The following NFKBIB variants were observed in gnomAD, a reference collection of about 807,000 sequenced individuals.
The protein encoded by NFKBIB is NFKB inhibitor beta.
NFKBIB carries 16 observed loss-of-function variants against 32.1 expected under a neutral mutation model. The observed-to-expected ratio is 0.50, with a 90% CI of 0.34 to 0.76. The LOEUF is 0.76. Ranked by LOEUF, NFKBIB falls within the 30% of genes least tolerant of loss-of-function variation. The pLI is 0.01. For synonymous variants in NFKBIB, 222 were observed against 219.5 expected (o/e 1.01, Z -0.10); for missense variants, 437 against 514.9 (o/e 0.85, Z 1.46).
rs967463729 is a variant in NFKBIB at position 38,905,812 on chromosome 19, C to G, written c.619+277C>G. On this transcript the variant is annotated intron_variant, in intron 3 of 5. Coordinates refer to ENST00000313582, the MANE Select transcript of NFKBIB (RefSeq NM_002503.5). The surrounding 1 kb of genome is among the most constrained non-coding windows in gnomAD (Gnocchi z 5.5). ...TGCCAGGATCCAGTTGTCGGGCCCC[C>G]GGGCTCCCCACCTGCAGAGTGTATT... 6.6e-6 allele frequency among the ~76,000 whole-genome samples: 1 copy of G among 152,150 alleles called. No homozygotes were observed. Among genetic ancestry groups the G allele is most frequent in the Non-Finnish European group, 1.5e-5 (1 of 68,026 alleles).
Position 38,905,059 on chromosome 19 carries a change from A to G in NFKBIB, c.224A>G (p.Asp75Gly). 2 of 1,613,984 alleles carry G rather than the reference A, an allele frequency of 1.2e-6. No individual in the cohort carries two copies. Among genetic ancestry groups the G allele is most frequent in the South Asian group, 1.1e-5 (1 of 91,084 alleles). The part of the protein sequence containing the change: ...AVIHQHEPFL[D>G]FLLGFSAGTE... ...ATTCATCAGCATGAACCCTTCCTGG[A>G]TTTTCTTCTAGGCTTCTCGGCCGGC... is the stretch of plus-strand genomic sequence containing the variant. Residue 75 changes from aspartate (D) to glycine (G), a missense_variant, in exon 2 of 6, where the codon GAT (aspartate) becomes GGT (glycine). Coordinates refer to ENST00000313582, the MANE Select transcript of NFKBIB (RefSeq NM_002503.5). The surrounding 1 kb of genome is among the most constrained non-coding windows in gnomAD (Gnocchi z 5.5).
intron 1 of NFKBIB, 147 bp from the exon 2 acceptor site, chr19:38,904,868 T>A: frequency 1.4e-6 from 1 of 701,990 alleles, no homozygotes; most frequent in Non-Finnish European, 2.5e-6. Context: ...CTGATGAAAC[T>A]CTGACCTCTG....
At chr19:38,899,902 T>C (rs1568410797), upstream of NFKBIB, 2 of 963,096 alleles carry the variant, frequency 2.1e-6, no homozygotes, top group Admixed American at 2.9e-5. Flanking sequence ...GTGTGAGCGA[T>C]TCAGCATATT....
At chr19:38,899,802 G>GTTT (rs1277628303), upstream of NFKBIB, 5 of 681,480 alleles carry the variant, frequency 7.3e-6, no homozygotes, top group Admixed American at 5.6e-5. Context: ...CAGCCATGTT[G>GTTT]GTAAAGGGCG....
chr19:38,907,774 G>A (rs1398993440), intron 5 of NFKBIB, 115 bp downstream of exon 5: 1 of 1,453,646 alleles, frequency 6.9e-7, no homozygotes, highest in Non-Finnish European at 9.1e-7. Flanking sequence ...GAGAACTCAG[G>A]CAGCAGCGCC....
At chr19:38,908,052 C>T (rs1488206957) in intron 5 of NFKBIB, 7 of 1,069,150 alleles carry the variant, frequency 6.5e-6, no homozygotes, top group Non-Finnish European at 7.9e-6. Flanking sequence ...GGGCAGGACC[C>T]GAGCCAGCGG....
Position 38,901,298 on chromosome 19 carries a change from TCTGA to T in NFKBIB, c.179+1090_179+1093del, listed in dbSNP as rs768924315. 1.6e-3 allele frequency among the ~76,000 whole-genome samples: 239 copies of T among 152,272 alleles called. 3 individuals carry two copies. The highest frequency in any genetic ancestry group is 7.6e-4 in the Non-Finnish European group (52 of 68,032). ...TACTTTCTATTCAATTGGTCTCTGTTCTGACTTTTTTTTTTGAAACGAAGTCTCA... is the reference window on the plus strand; with the variant it reads ...TACTTTCTATTCAATTGGTCTCTGTTCTTTTTTTTTTGAAACGAAGTCTCA... On this transcript the variant is annotated intron_variant, in intron 1 of 5. Coordinates refer to ENST00000313582, the MANE Select transcript of NFKBIB (RefSeq NM_002503.5).
Position 38,900,015 on chromosome 19 carries a change from C to T in NFKBIB, c.-18C>T. 1 of 1,453,658 alleles carries T rather than the reference C, an allele frequency of 6.9e-7. No homozygotes were observed. The allele number at this position is 1,453,658 out of a possible 1,614,324, so 90.0% of individuals were successfully genotyped here. A position where few individuals can be genotyped will look rare whatever the true frequency, so the allele number is the denominator to read the frequency against. ...TACAGGCGGGCGACTGCGGGGGGCC[C>T]CTGAGGCGGCGGGGGCCATGGCTGG... On this transcript the variant is annotated 5_prime_UTR_variant, in exon 1 of 6. Coordinates refer to ENST00000313582, the MANE Select transcript of NFKBIB (RefSeq NM_002503.5).
chr19:38,900,203 T>C lies in NFKBIB; in HGVS notation c.171T>C (p.Asp57=). 6.2e-7 allele frequency: 1 copy of C among 1,600,294 alleles called. No homozygotes were observed. The highest frequency in any genetic ancestry group is 8.5e-7 in the Non-Finnish European group (1 of 1,175,572). The change falls in exon 1 of 6, where the codon GAT becomes GAC. Residue 57 remains aspartate (D), a synonymous_variant. Coordinates refer to ENST00000313582, the MANE Select transcript of NFKBIB (RefSeq NM_002503.5). ...TCGTCTTCGGCTACGTCACTGAGGA[T>C]GGGGACACGTGAGTGAACCTTAGGC... ...APLVFGYVTE[D]GDTALHLAVI... is the part of the protein sequence containing the mutation.
intron 1 of NFKBIB, among the ~76,000 whole-genome samples, chr19:38,904,416 G>C (rs17880968): frequency 3.5e-4 from 54 of 152,270 alleles, no homozygotes; most frequent in Non-Finnish European, 5.7e-4. Flanking sequence ...TGGCTGATCC[G>C]TATTCTCCGG....
chr19:38,900,130 G>T lies in NFKBIB; in HGVS notation c.98G>T (p.Gly33Val), dbSNP rs1973896668. The change falls in exon 1 of 6, where the codon GGA (glycine) becomes GTA (valine). Residue 33 changes from glycine to valine, a missense_variant. By Grantham distance (109) the Gly-to-Val change is moderately radical. Transcript: ENST00000313582. ...GGTCCGGACGCAGCGGCCCCCGGAG[G>T]ACCTGGGTTGGGCGCGGAGTTGGGC... ...SLGPDAAAPG[G>V]PGLGAELGPG... 2 of 1,591,872 alleles carry T rather than the reference G, an allele frequency of 1.3e-6. No individual in the cohort carries two copies. Among genetic ancestry groups the T allele is most frequent in the East Asian group, 4.6e-5 (2 of 43,698 alleles).
chr19:38,906,706 T>C (rs927637352), intron 3 of NFKBIB, among the ~76,000 whole-genome samples: 1 of 151,824 alleles, frequency 6.6e-6, no homozygotes, highest in Non-Finnish European at 1.5e-5. Context: ...CCTGACCTCG[T>C]GATCCACCCG....
intron 1 of NFKBIB, among the ~76,000 whole-genome samples, chr19:38,900,615 T>C (rs936030782): frequency 3.3e-5 from 5 of 152,208 alleles, no homozygotes; most frequent in Admixed American, 2.6e-4. Flanking sequence ...TCCCTGACTC[T>C]AAGATCCTGT....
upstream of NFKBIB, chr19:38,899,930 G>T: frequency 8.4e-7 from 1 of 1,196,638 alleles, no homozygotes; most frequent in Non-Finnish European, 1.1e-6. Context: ...GGTGAATCAG[G>T]GGGCGTGGTG....
At chr19:38,907,352 C>T in intron 4 of NFKBIB, 43 bp downstream of exon 4, 1 of 1,600,738 alleles carries the variant, frequency 6.2e-7, no homozygotes, top group Non-Finnish European at 8.5e-7. Context: ...CGGGAGGGGG[C>T]TTGTCCCCTC....
intron 5 of NFKBIB, 148 bp downstream of exon 5, chr19:38,907,807 G>C: frequency 6.9e-7 from 1 of 1,442,524 alleles, no homozygotes; most frequent in South Asian, 1.5e-5. Context: ...CACTAGTCAG[G>C]AGAGACCTGG....
chr19:38,907,173 G>A (rs181514665), intron 3 of NFKBIB, 48 bp from the exon 4 acceptor site: 15 of 1,485,532 alleles, frequency 1.0e-5, no homozygotes, highest in East Asian at 9.2e-5. Flanking sequence ...ACGGTGGGGT[G>A]GGGGGGGCCC....
chr19:38,907,145 CT>C, intron 3 of NFKBIB, 75 bp from the exon 4 acceptor site: 1 of 1,361,834 alleles, frequency 7.3e-7, no homozygotes, highest in Non-Finnish European at 1.0e-6. Context: ...CCACATGACC[CT>C]CCCCCAGGAT....
intron 1 of NFKBIB, among the ~76,000 whole-genome samples, chr19:38,902,995 G>C (rs1974014385): frequency 6.6e-6 from 1 of 152,100 alleles, no homozygotes; most frequent in South Asian, 2.1e-4. Flanking sequence ...CTTGAACCCG[G>C]GAGGCGGAGG....
Sources: gnomAD v4.1 joint callset for allele counts (sites outside exome capture counted in the v4.1 genomes callset) on GRCh38, gnomAD v4.1.1 for gene constraint, Gnocchi (gnomAD v3.1) non-coding constraint, MANE v1.5 for transcripts, NCBI Gene and HGNC (gene_info 2026-07-23, HGNC 2026-07-21) for gene names.